The following TBCD variants were observed in gnomAD, a reference collection of about 807,000 sequenced individuals.
TBCD encodes tubulin folding cofactor D.
TBCD carries 105 observed loss-of-function variants against 169.3 expected under a neutral mutation model. The observed-to-expected ratio is 0.62, with a 90% confidence interval of 0.53 to 0.73. The LOEUF (loss-of-function observed/expected upper bound fraction) is 0.73. Ranked by LOEUF, TBCD falls within the 30% of genes least tolerant of loss-of-function variation. The pLI is 0.00. For missense variants in TBCD, 1,444 were observed against 1,600.1 expected, an observed-to-expected ratio of 0.90 and a Z score of 1.66; for synonymous variants, 700 against 643.9, an observed-to-expected ratio of 1.09 and a Z score of -1.32.
At position 82,923,597 on chromosome 17, in the gene TBCD, CG is replaced by C; in HGVS notation, c.2179-50del. On this transcript the variant is annotated intron_variant, in intron 25 of 38. Transcript: ENST00000355528. This position sits in a 1 kb window ranked among gnomAD's most constrained non-coding sequence, Gnocchi z 4.6. ...CAGAGTGACCTGCTCTGTCCCTGGC[CG>C]GGGGCTTCTCCGAGCAGAGCTGCTG... 7.0e-7 allele frequency: 1 copy of C among 1,438,218 alleles called. No individual in the cohort carries two copies. Among genetic ancestry groups the C allele is most frequent in the Non-Finnish European group, 9.5e-7 (1 of 1,048,336 alleles). The allele number at this position is 1,438,218 out of a possible 1,614,324, so 89.1% of individuals were successfully genotyped here. A position where few individuals can be genotyped will look rare whatever the true frequency, so the allele number is the denominator to read the frequency against.
Position 82,871,566 on chromosome 17 carries a change from C to T in TBCD, c.1475+1186C>T, listed in dbSNP as rs573336763. ...CTCCTGCAGCTGTTCAGGAGCCGAGCGTCCCCTGCTCACTACAAGACGCCT... is the reference window on the plus strand; with the variant it reads ...CTCCTGCAGCTGTTCAGGAGCCGAGTGTCCCCTGCTCACTACAAGACGCCT... On this transcript the variant is annotated intron_variant, in intron 14 of 38. Coordinates refer to ENST00000355528, the MANE Select transcript of TBCD (RefSeq NM_005993.5). Among the ~76,000 whole-genome samples, 58 of 152,352 alleles carry T rather than the reference C, an allele frequency of 3.8e-4. 1 individual carries two copies. The highest frequency in any genetic ancestry group is 3.9e-4 in the East Asian group (2 of 5,180).
intron 34 of TBCD, among the ~76,000 whole-genome samples, chr17:82,933,271 G>GTGT (rs1555667438): frequency 2.5e-5 from 2 of 81,606 alleles, no homozygotes; most frequent in Non-Finnish European, 5.2e-5. Context: ...TGTTGGGCCA[G>GTGT]TCTTTTTTTT....
rs2059998890 is a variant in TBCD, at chr17:82,903,107, C to T, written c.1731-298C>T. 6.6e-6 allele frequency among the ~76,000 whole-genome samples: 1 copy of T among 152,182 alleles called. No homozygotes were observed. The highest frequency in any genetic ancestry group is 2.4e-5 in the African/African-American group (1 of 41,438). Reference sequence around the variant, plus strand: ...TGGCTCTATCTCACACTCACAACCTCAGAGTAGCGTGGGGGTGGGGAGGCC... The same window carrying T: ...TGGCTCTATCTCACACTCACAACCTTAGAGTAGCGTGGGGGTGGGGAGGCC... On this transcript the variant is annotated intron_variant, in intron 18 of 38. Transcript: ENST00000355528. This position sits in a 1 kb window ranked among gnomAD's most constrained non-coding sequence, Gnocchi z 4.8.
chr17:82,849,338 A>C (rs1416829066), intron 13 of TBCD, among the ~76,000 whole-genome samples: 1 of 151,822 alleles, frequency 6.6e-6, no homozygotes, highest in Non-Finnish European at 1.5e-5. Context: ...GGGGCTGCCT[A>C]CCGGGCTTGG....
At chr17:82,812,775 T>G (rs1404103820) in intron 12 of TBCD, among the ~76,000 whole-genome samples, 1 of 152,188 alleles carries the variant, frequency 6.6e-6, no homozygotes, top group Non-Finnish European at 1.5e-5. Context: ...TCTCCTGACC[T>G]TGTGATCAGC....
At chr17:82,881,716 A>G (rs1402032338) in intron 14 of TBCD, among the ~76,000 whole-genome samples, 1 of 152,020 alleles carries the variant, frequency 6.6e-6, no homozygotes, top group Non-Finnish European at 1.5e-5. Context: ...TGGAAAATGC[A>G]CCTGGTGGTT....
chr17:82,898,784 G>C (rs982829653), intron 17 of TBCD, among the ~76,000 whole-genome samples: 2 of 152,210 alleles, frequency 1.3e-5, no homozygotes, highest in African/African-American at 4.8e-5. Flanking sequence ...AGAGATTATT[G>C]TTTAAAAGTC....
intron 22 of TBCD, among the ~76,000 whole-genome samples, chr17:82,909,834 G>A (rs907599837): frequency 6.6e-5 from 10 of 152,256 alleles, no homozygotes; most frequent in African/African-American, 2.2e-4. Flanking sequence ...CCAACCCCGA[G>A]ATCTGGCCGG....
intron 19 of TBCD, among the ~76,000 whole-genome samples, chr17:82,904,240 G>C (rs112434163): frequency 1.4e-5 from 2 of 141,950 alleles, no homozygotes; most frequent in South Asian, 2.4e-4. Context: ...TAGGTGGCTT[G>C]CACCTGCCAC....
At chr17:82,819,656 G>A (rs1381654610) in intron 13 of TBCD, among the ~76,000 whole-genome samples, 2 of 152,130 alleles carry the variant, frequency 1.3e-5, no homozygotes, top group Non-Finnish European at 1.5e-5. Context: ...GCACTCACGC[G>A]ATCCTCCTGC....
intron 22 of TBCD, among the ~76,000 whole-genome samples, chr17:82,910,578 T>C (rs1447504388): frequency 1.3e-5 from 2 of 152,124 alleles, no homozygotes; most frequent in Non-Finnish European, 2.9e-5. Context: ...GTGACTTTTT[T>C]TTTTTGGAGA....
At chr17:82,757,638 CA>C (rs1170225358) in intron 2 of TBCD, among the ~76,000 whole-genome samples, 1 of 144,050 alleles carries the variant, frequency 6.9e-6, no homozygotes, top group East Asian at 2.0e-4. Flanking sequence ...AAAAAAAAAC[CA>C]AAAAAAACCC....
At position 82,850,423 on chromosome 17, in the gene TBCD, G is replaced by A. The variant is rs568975962; in HGVS notation, c.1319-19801G>A. 3.1e-4 allele frequency among the ~76,000 whole-genome samples: 46 copies of A among 146,540 alleles called. 1 individual carries two copies. The highest frequency in any genetic ancestry group is 1.1e-3 in the African/African-American group (45 of 39,382). Reference sequence around the variant, plus strand: ...CTGTGCTGTTGTTGGCTGTGCTGTTGGCTGTGCTGTTGTTGGCTGTGCTGT... The same window carrying A: ...CTGTGCTGTTGTTGGCTGTGCTGTTAGCTGTGCTGTTGTTGGCTGTGCTGT... On this transcript the variant is annotated intron_variant, in intron 13 of 38. Transcript: ENST00000355528.
intron 2 of TBCD, among the ~76,000 whole-genome samples, chr17:82,758,397 A>AAAAAAAAAAAAAAT (rs2047539730): frequency 7.8e-6 from 1 of 127,422 alleles, no homozygotes; most frequent in Non-Finnish European, 1.7e-5. Flanking sequence ...AAAAAAAAAA[A>AAAAAAAAAAAAAAT]AAAAAATAAA....
intron 16 of TBCD, among the ~76,000 whole-genome samples, chr17:82,891,955 G>T (rs2059170156): frequency 6.6e-6 from 1 of 152,130 alleles, no homozygotes; most frequent in African/African-American, 2.4e-5. Context: ...CTATGACCCT[G>T]CTCCTAGGCG....
chr17:82,778,416 C>T (rs948608076), intron 6 of TBCD, among the ~76,000 whole-genome samples: 7 of 152,122 alleles, frequency 4.6e-5, no homozygotes, highest in Admixed American at 2.0e-4. Context: ...TTTGCAGATC[C>T]GCTAAAGTTA....
In TBCD at chr17:82,774,671, G is replaced by A. The variant is rs557801545; in HGVS notation, c.638+2164G>A. Among the ~76,000 whole-genome samples, 5 of 152,250 alleles carry A rather than the reference G, an allele frequency of 3.3e-5. No individual in the cohort carries two copies. The South Asian group carries it at 6.2e-4, about 19-fold the overall frequency. On this transcript the variant is annotated intron_variant, in intron 6 of 38. Transcript: ENST00000355528. ...CTCCCAGACGGAGCGGCGGCCGGGCGGGGGCTGCCCCCCACCCGAGTGTGT... is the reference window on the plus strand; with the variant it reads ...CTCCCAGACGGAGCGGCGGCCGGGCAGGGGCTGCCCCCCACCCGAGTGTGT...
At chr17:82,774,016 A>G (rs897124642) in intron 6 of TBCD, among the ~76,000 whole-genome samples, 5 of 148,528 alleles carry the variant, frequency 3.4e-5, no homozygotes, top group Non-Finnish European at 7.4e-5. Context: ...GGTGTGAGCC[A>G]CCGCGCCTGG....
In TBCD at chr17:82,927,290, A is replaced by G. The variant is rs201245699; in HGVS notation, c.2576A>G (p.Tyr859Cys). The G allele has an allele frequency of 6.2e-7, 1 of 1,613,996 alleles. No homozygotes were observed. Among genetic ancestry groups the G allele is most frequent in the Non-Finnish European group, 8.5e-7 (1 of 1,179,876 alleles). Residue 859 changes from tyrosine to cysteine, a missense_variant, in exon 29 of 39, where the codon TAC (tyrosine) becomes TGC (cysteine). Physicochemically the swap from Tyr to Cys is radical, Grantham distance 194. Coordinates refer to ENST00000355528, the MANE Select transcript of TBCD (RefSeq NM_005993.5). ...YCALLGCMDD[Y>C]TTDSRGDVGT... is the part of the protein sequence containing the mutation. ...GCGCTGCTGGGCTGCATGGACGACT[A>G]CACCACGGACAGCAGAGGGGACGTG...
Sources: allele counts gnomAD v4.1 joint callset (sites outside exome capture counted in the v4.1 genomes callset), GRCh38; gene constraint gnomAD v4.1.1; non-coding constraint Gnocchi (gnomAD v3.1); transcripts MANE v1.5; gene names NCBI Gene and HGNC (gene_info 2026-07-23, HGNC 2026-07-21).